CLYBL: variants seen among roughly 807,000 people sequenced by gnomAD.
CLYBL encodes citramalyl-CoA lyase, mitochondrial.
CLYBL carries 31 observed loss-of-function variants against 38.9 expected under a neutral mutation model. That is an observed-to-expected ratio of 0.80 (90% CI 0.60 to 1.08). CLYBL has a LOEUF of 1.08. Ranked by LOEUF, CLYBL falls within the 50% of genes least tolerant of loss-of-function variation. CLYBL has a pLI of 0.00. For missense variants in CLYBL, 434 were observed against 411.6 expected, an observed-to-expected ratio of 1.05 and a Z score of -0.47; for synonymous variants, 171 against 158.6, an observed-to-expected ratio of 1.08 and a Z score of -0.59.
intron 6 of CLYBL, among the ~76,000 whole-genome samples, chr13:99,866,805 G>C (rs569226444): frequency 3.3e-5 from 5 of 151,414 alleles, no homozygotes; most frequent in Admixed American, 6.6e-5. Flanking sequence ...ATTCATTTCT[G>C]AAAAAAAATG....
intron 8 of CLYBL, among the ~76,000 whole-genome samples, chr13:99,904,298 C>T (rs9557332): frequency 0.021 from 3,249 of 152,244 alleles, 93 homozygotes; most frequent in South Asian, 0.14. Context: ...TCCCAGACCT[C>T]GAAAGGCGAA....
At chr13:99,780,965 C>T (rs529420829) in intron 2 of CLYBL, among the ~76,000 whole-genome samples, 4 of 151,606 alleles carry the variant, frequency 2.6e-5, no homozygotes, top group Admixed American at 2.0e-4. Context: ...CCACCCGCCT[C>T]GGCCTCCCAA....
rs1219509705 is a variant in CLYBL at position 99,606,715 on chromosome 13, G to C, written c.20G>C (p.Arg7Pro). The C allele has an allele frequency of 4.0e-6, 6 of 1,493,640 alleles. No homozygotes were observed. The highest frequency in any genetic ancestry group is 1.5e-5 in the African/African-American group (1 of 68,678). The allele number at this position is 1,493,640 out of a possible 1,614,324, so 92.5% of individuals were successfully genotyped here. A position where few individuals can be genotyped will look rare whatever the true frequency, so the allele number is the denominator to read the frequency against. Residue 7 changes from arginine to proline, a missense_variant, in exon 1 of 9, where the codon CGG becomes CCG. Arg to Pro is a moderately radical substitution (Grantham distance 103, BLOSUM62 -2). Transcript: ENST00000339105. Reference sequence around the variant, plus strand: ...GGGAAGATGGCGCTACGTCTGCTGCGGAGGGCGGCGCGCGGAGCTGCGGCG... The same window carrying C: ...GGGAAGATGGCGCTACGTCTGCTGCCGAGGGCGGCGCGCGGAGCTGCGGCG... MALRLL[R>P]RAARGAAAAA... is the part of the protein sequence containing the mutation.
Position 99,810,517 on chromosome 13 carries a change from C to T in CLYBL, c.249+37507C>T, listed in dbSNP as rs79480011. ...GGCACTGCCAAGAAACTGTGAGAAGCGAAGCTTGGCTGGAGCGGCCAGAGC... is the reference window on the plus strand; with the variant it reads ...GGCACTGCCAAGAAACTGTGAGAAGTGAAGCTTGGCTGGAGCGGCCAGAGC... On this transcript the variant is annotated intron_variant, in intron 2 of 8. Coordinates refer to ENST00000339105, the MANE Select transcript of CLYBL (RefSeq NM_206808.5). 8.8e-3 allele frequency among the ~76,000 whole-genome samples: 1,342 copies of T among 152,144 alleles called. 13 individuals are homozygous for T. The highest frequency in any genetic ancestry group is 0.031 in the African/African-American group (1,266 of 41,484).
rs143513468 is a variant in CLYBL, at chr13:99,809,297, T to G, written c.249+36287T>G. ...ACACAAGGGGTGTTCAGTCCTTGTTTGCCTGCATAACTCTCCTGAACACAA... is the reference window on the plus strand; with the variant it reads ...ACACAAGGGGTGTTCAGTCCTTGTTGGCCTGCATAACTCTCCTGAACACAA... On this transcript the variant is annotated intron_variant, in intron 2 of 8. Coordinates refer to ENST00000339105, the MANE Select transcript of CLYBL (RefSeq NM_206808.5). Among the ~76,000 whole-genome samples, 352 of 152,376 alleles carry G rather than the reference T, an allele frequency of 2.3e-3. 10 individuals carry two copies. In the East Asian group the frequency reaches 0.052, roughly 23 times the overall value.
At chr13:99,799,915 C>T (rs182695276) in intron 2 of CLYBL, among the ~76,000 whole-genome samples, 7 of 152,342 alleles carry the variant, frequency 4.6e-5, no homozygotes, top group Admixed American at 2.6e-4. Context: ...GGGCCTGCAG[C>T]GGTGTGGTGT....
At chr13:99,625,560 G>A (rs2046857878) in intron 1 of CLYBL, among the ~76,000 whole-genome samples, 2 of 152,048 alleles carry the variant, frequency 1.3e-5, no homozygotes, top group South Asian at 2.1e-4. Context: ...TACTTGATGC[G>A]ATTTTCCCTT....
chr13:99,771,020 C>CTTTTTTTTTTT (rs546998940), intron 1 of CLYBL, among the ~76,000 whole-genome samples: 2 of 120,242 alleles, frequency 1.7e-5, no homozygotes, highest in African/African-American at 7.2e-5. Context: ...ACGCGGGGCC[C>CTTTTTTTTTTT]TTTTTTTTTT....
chr13:99,662,934 G>C (rs2047430469), intron 1 of CLYBL, among the ~76,000 whole-genome samples: 2 of 152,166 alleles, frequency 1.3e-5, no homozygotes, highest in South Asian at 4.1e-4. Context: ...GGTCCGAGAT[G>C]GTCACTGCTG....
At chr13:99,670,407 C>G (rs1358839040) in intron 1 of CLYBL, among the ~76,000 whole-genome samples, 3 of 152,160 alleles carry the variant, frequency 2.0e-5, no homozygotes, top group African/African-American at 7.2e-5. Flanking sequence ...TCTTCACCAT[C>G]CAAGTTATGT....
At chr13:99,621,842 A>G (rs1363921383) in intron 1 of CLYBL, among the ~76,000 whole-genome samples, 2 of 152,020 alleles carry the variant, frequency 1.3e-5, no homozygotes, top group Non-Finnish European at 2.9e-5. Flanking sequence ...GTGTGGGGCC[A>G]GGGAAGCCAA....
chr13:99,880,138 G>A (rs899310959), intron 7 of CLYBL, among the ~76,000 whole-genome samples: 2 of 144,522 alleles, frequency 1.4e-5, no homozygotes, highest in Non-Finnish European at 3.0e-5. Context: ...CGGGATCTTG[G>A]CTCACTGCAA....
chr13:99,664,086 C>T (rs1378134601), intron 1 of CLYBL, among the ~76,000 whole-genome samples: 4 of 152,206 alleles, frequency 2.6e-5, no homozygotes, highest in African/African-American at 4.8e-5. Context: ...TTGCTTTAGT[C>T]TGTGACTTAA....
At chr13:99,746,595 T>C (rs2048855844) in intron 1 of CLYBL, among the ~76,000 whole-genome samples, 1 of 152,200 alleles carries the variant, frequency 6.6e-6, no homozygotes, top group Admixed American at 6.5e-5. Context: ...ATGTTCCTCA[T>C]TGGCCAGTAA....
intron 2 of CLYBL, among the ~76,000 whole-genome samples, chr13:99,857,469 T>G (rs1594226630): frequency 1.3e-5 from 2 of 152,202 alleles, no homozygotes; most frequent in Non-Finnish European, 1.5e-5. Flanking sequence ...TAGTCTGAGC[T>G]CTCTCTTGCT....
At chr13:99,682,792 A>G (rs2047756225) in intron 1 of CLYBL, among the ~76,000 whole-genome samples, 1 of 152,088 alleles carries the variant, frequency 6.6e-6, no homozygotes, top group Non-Finnish European at 1.5e-5. Context: ...GCTGGAGTAC[A>G]GTGGCGTGAT....
chr13:99,740,263 T>C (rs1236595636), intron 1 of CLYBL, among the ~76,000 whole-genome samples: 1 of 152,230 alleles, frequency 6.6e-6, no homozygotes, highest in Admixed American at 6.5e-5. Flanking sequence ...CCTCTGACTT[T>C]AGTGACTCTG....
intron 2 of CLYBL, among the ~76,000 whole-genome samples, chr13:99,833,020 ATATATATATATTTTTTTTT>A (rs1566345723): frequency 5.7e-5 from 2 of 35,116 alleles, no homozygotes; most frequent in East Asian, 1.6e-3. Flanking sequence ...ATATATATAT[ATATATATATATTTTTTTTT>A]TTTTTTTTTT....
chr13:99,878,631 G>A (rs1594241310), intron 7 of CLYBL, among the ~76,000 whole-genome samples: 4 of 152,224 alleles, frequency 2.6e-5, no homozygotes, highest in Admixed American at 2.6e-4. Context: ...GGATTTTATG[G>A]TATGCAAATC....
Sources: allele counts gnomAD v4.1 joint callset (sites outside exome capture counted in the v4.1 genomes callset), GRCh38; gene constraint gnomAD v4.1.1; transcripts MANE v1.5; gene names NCBI Gene and HGNC (gene_info 2026-07-23, HGNC 2026-07-21).